CRACR2A: variants seen among roughly 807,000 people sequenced by gnomAD.
The protein encoded by CRACR2A is EF-hand calcium-binding domain-containing protein 4B.
CRACR2A carries 79 observed loss-of-function variants against 90.5 expected under a neutral mutation model. That is an observed-to-expected ratio of 0.87 (90% CI 0.73 to 1.05). The LOEUF (loss-of-function observed/expected upper bound fraction) is 1.05, where lower values mean the gene tolerates loss of function less well. Among genes scored for constraint, CRACR2A ranks in the 50% least tolerant of loss-of-function variants. The pLI, the probability that CRACR2A is intolerant of heterozygous loss-of-function variation, is 0.00. For synonymous variants in CRACR2A, 338 were observed against 356.7 expected (o/e 0.95, Z 0.59); for missense variants, 823 against 897.2 (o/e 0.92, Z 1.06).
At chr12:3,718,966 T>C (rs1946117268) in intron 2 of CRACR2A, among the ~76,000 whole-genome samples, 1 of 152,056 alleles carries the variant, frequency 6.6e-6, no homozygotes, top group South Asian at 2.1e-4. Context: ...GGGTTGAAAG[T>C]AGGAATAACA....
intron 18 of CRACR2A, among the ~76,000 whole-genome samples, chr12:3,617,298 ACT>A (rs1008395522): frequency 1.3e-5 from 2 of 152,120 alleles, no homozygotes; most frequent in African/African-American, 4.8e-5. Context: ...TCCTCTTTAC[ACT>A]TTCCCAAATT....
chr12:3,680,178 C>G (rs1301632969), intron 5 of CRACR2A, 60 bp downstream of exon 5: 1 of 1,410,822 alleles, frequency 7.1e-7, no homozygotes, highest in Non-Finnish European at 1.0e-6. Flanking sequence ...CAGGAATGCA[C>G]CTTATACAGT....
At chr12:3,684,212 C>T (rs1029569414) in intron 4 of CRACR2A, among the ~76,000 whole-genome samples, 9 of 152,174 alleles carry the variant, frequency 5.9e-5, no homozygotes, top group Non-Finnish European at 1.2e-4. Flanking sequence ...GCAATCACAG[C>T]ATTCTTTTCA....
At chr12:3,729,993 C>T (rs535877016) in intron 2 of CRACR2A, 2 of 152,300 alleles carry the variant, frequency 1.3e-5, no homozygotes, top group East Asian at 3.9e-4. Context: ...TGCACAAAAG[C>T]AAGAAGAGAG....
chr12:3,692,469 G>GC (rs1945664789), intron 4 of CRACR2A, among the ~76,000 whole-genome samples: 2 of 106,654 alleles, frequency 1.9e-5, no homozygotes, highest in African/African-American at 7.3e-5. Context: ...TCAGGCCCTG[G>GC]TTTTTTTTCT....
At position 3,708,028 on chromosome 12, in the gene CRACR2A, C is replaced by T. The variant is rs566476818; in HGVS notation, c.-37+5209G>A. On this transcript the variant is annotated intron_variant, in intron 3 of 19. Coordinates refer to ENST00000440314, the MANE Select transcript of CRACR2A (RefSeq NM_001144958.2). ...AGATCCGTTATCAAGGTGGTATTAT[C>T]GATGCTCCATTCAGATACCCTTGAA... is the stretch of plus-strand genomic sequence containing the variant. 2.0e-5 allele frequency among the ~76,000 whole-genome samples: 3 copies of T among 152,310 alleles called. No homozygotes were observed. The South Asian group carries it at 6.2e-4, about 32-fold the overall frequency.
At chr12:3,734,054 T>C (rs1480943422) in intron 1 of CRACR2A, among the ~76,000 whole-genome samples, 1 of 147,494 alleles carries the variant, frequency 6.8e-6, no homozygotes, top group Non-Finnish European at 1.5e-5. Context: ...CACTGCAAGC[T>C]CTGCCTCTCG....
At chr12:3,655,172 T>A (rs934067413) in intron 9 of CRACR2A, among the ~76,000 whole-genome samples, 1 of 152,202 alleles carries the variant, frequency 6.6e-6, no homozygotes, top group African/African-American at 2.4e-5. Context: ...TTTGGCGTGA[T>A]TCTCAAGAGG....
rs930723154 is a variant in CRACR2A at position 3,657,767 on chromosome 12, G to A, written c.763-1361C>T. On this transcript the variant is annotated intron_variant, in intron 8 of 19. Transcript: ENST00000440314. ...CGAGCGGCTCCAGAATCCCCATGAT[G>A]ATGTGGCTGTACCCACAATGGGCCT... Among the ~76,000 whole-genome samples, 7 of 152,310 alleles carry A rather than the reference G, an allele frequency of 4.6e-5. No individual in the cohort carries two copies. The East Asian group carries it at 1.2e-3, about 25-fold the overall frequency.
chr12:3,672,859 G>A (rs549584785), intron 7 of CRACR2A: 8 of 947,386 alleles, frequency 8.4e-6, no homozygotes, highest in East Asian at 1.2e-4. Context: ...TAGGGTAGAC[G>A]AAGAGACATG....
chr12:3,662,965 T>C (rs1011643495), intron 7 of CRACR2A, among the ~76,000 whole-genome samples: 1 of 152,226 alleles, frequency 6.6e-6, no homozygotes, highest in Admixed American at 6.5e-5. Context: ...ATAAATGGAC[T>C]TTGAAGTCTT....
rs187078008 is a variant in CRACR2A at position 3,709,523 on chromosome 12, A to G, written c.-37+3714T>C. 1.3e-3 allele frequency among the ~76,000 whole-genome samples: 202 copies of G among 152,378 alleles called. 1 individual carries two copies. The highest frequency in any genetic ancestry group is 4.7e-3 in the African/African-American group (195 of 41,588). On this transcript the variant is annotated intron_variant, in intron 3 of 19. Coordinates refer to ENST00000440314, the MANE Select transcript of CRACR2A (RefSeq NM_001144958.2). ...CTGGGCGCAGTGGCTCACGCCTGTA[A>G]TCCCAGCACTTTGGGAGGCTGAGGT... is the stretch of plus-strand genomic sequence containing the variant.
At chr12:3,636,499 A>G (rs932920794) in intron 14 of CRACR2A, among the ~76,000 whole-genome samples, 11 of 152,250 alleles carry the variant, frequency 7.2e-5, no homozygotes, top group African/African-American at 2.2e-4. Context: ...TGACTTTCCC[A>G]TCTGTCAATG....
chr12:3,739,055 T>C (rs1382464985), intron 1 of CRACR2A, among the ~76,000 whole-genome samples: 2 of 149,716 alleles, frequency 1.3e-5, no homozygotes, highest in African/African-American at 4.9e-5. Context: ...ACCTGGGAGT[T>C]GGCCACATGG....
In CRACR2A at chr12:3,696,907, A is replaced by T; in HGVS notation, c.93T>A (p.His31Gln). Residue 31 changes from histidine to glutamine, a missense_variant, in exon 4 of 20, where the codon CAT becomes CAA. By Grantham distance (24) the His-to-Gln change is conservative. Transcript: ENST00000440314. ...CCTTCTGCTCCAGGCTGTCCAGGGG[A>T]TGCAGGCAGGCTCCACTCCCCTTTG... ...QGPKGSGACL[H>Q]PLDSLEQKET... is the part of the protein sequence containing the mutation. The T allele has an allele frequency of 1.2e-6, 2 of 1,614,168 alleles. No homozygotes were observed. The highest frequency in any genetic ancestry group is 1.1e-5 in the South Asian group (1 of 91,082).
At chr12:3,651,118 G>A (rs753139524) in intron 10 of CRACR2A, among the ~76,000 whole-genome samples, 7 of 152,240 alleles carry the variant, frequency 4.6e-5, no homozygotes, top group Admixed American at 6.5e-5. Flanking sequence ...TTGGTGAGGC[G>A]TTTATGGTTA....
intron 6 of CRACR2A, among the ~76,000 whole-genome samples, chr12:3,674,630 A>T (rs1485152104): frequency 6.6e-6 from 1 of 152,256 alleles, no homozygotes; most frequent in East Asian, 1.9e-4. Flanking sequence ...GTTCAAGTGA[A>T]ATTTCACAGG....
chr12:3,616,500 C>T (rs189595498), intron 19 of CRACR2A, among the ~76,000 whole-genome samples: 17 of 152,282 alleles, frequency 1.1e-4, no homozygotes, highest in Non-Finnish European at 2.4e-4. Context: ...CATCACAGCC[C>T]CTCTTCTTTC....
rs760745426 is a variant in CRACR2A, at chr12:3,654,397, C to T, written c.861G>A (p.Leu287=). Residue 287 remains leucine, a splice_region_variant and synonymous_variant, in exon 10 of 20, where the codon CTG becomes CTA. Transcript: ENST00000440314. ...GATGCAGGGCTGTGCACTGACCTTCCAGCTGCAAAGGAATGGGGAGCAGAG... is the reference window on the plus strand; with the variant it reads ...GATGCAGGGCTGTGCACTGACCTTCTAGCTGCAAAGGAATGGGGAGCAGAG... ...LEQLTQKQKR[L]EGQCTALHHD... The T allele has an allele frequency of 6.3e-7, 1 of 1,582,000 alleles. No homozygotes were observed. The highest frequency in any genetic ancestry group is 2.3e-5 in the East Asian group (1 of 43,380).
Sources: gnomAD v4.1 joint callset for allele counts (sites outside exome capture counted in the v4.1 genomes callset) on GRCh38, gnomAD v4.1.1 for gene constraint, MANE v1.5 for transcripts, NCBI Gene and HGNC (gene_info 2026-07-23, HGNC 2026-07-21) for gene names.